SH2D4A: variants seen among roughly 807,000 people sequenced by gnomAD.
SH2D4A encodes the protein SH2 domain-containing protein 4A.
Under a neutral mutation model 64.7 loss-of-function variants are expected in SH2D4A, and 70 were observed. The observed-to-expected ratio is 1.08, with a 90% confidence interval of 0.89 to 1.32. The LOEUF (loss-of-function observed/expected upper bound fraction) is 1.32, where lower values mean the gene tolerates loss of function less well. SH2D4A is among the 40% of genes most tolerant of loss of function. SH2D4A has a pLI of 0.00. For missense variants in SH2D4A, 706 were observed against 540.1 expected, an observed-to-expected ratio of 1.31 and a Z score of -3.04; for synonymous variants, 268 against 200.7, an observed-to-expected ratio of 1.34 and a Z score of -2.83.
intron 4 of SH2D4A, among the ~76,000 whole-genome samples, chr8:19,351,619 A>C (rs547250690): frequency 3.9e-5 from 6 of 151,976 alleles, no homozygotes; most frequent in African/African-American, 4.8e-5. Flanking sequence ...CAAAACAAAA[A>C]AAAACAAAAA....
chr8:19,392,177 A>G (rs938179618), intron 8 of SH2D4A, among the ~76,000 whole-genome samples: 10 of 152,218 alleles, frequency 6.6e-5, no homozygotes, highest in Admixed American at 6.5e-4. Context: ...TGAATTCCTG[A>G]GGCATCTAAG....
chr8:19,318,687 G>A (rs1424953211), intron 1 of SH2D4A, among the ~76,000 whole-genome samples: 2 of 152,230 alleles, frequency 1.3e-5, no homozygotes, highest in African/African-American at 4.8e-5. Flanking sequence ...CTTCCAGAAT[G>A]TAGATGGATG....
chr8:19,342,980 G>A (rs900543527), intron 4 of SH2D4A, among the ~76,000 whole-genome samples: 7 of 152,140 alleles, frequency 4.6e-5, no homozygotes, highest in African/African-American at 1.2e-4. Flanking sequence ...GCTCTAGCAC[G>A]CTGCTTCCGT....
chr8:19,333,347 A>T (rs141759186), intron 3 of SH2D4A, among the ~76,000 whole-genome samples: 2 of 152,246 alleles, frequency 1.3e-5, no homozygotes, highest in African/African-American at 4.8e-5. Context: ...GATAGCACTA[A>T]AGACCTCATG....
In SH2D4A at chr8:19,353,155, C is replaced by A. The variant is rs1467323925; in HGVS notation, c.514-4048C>A. Among the ~76,000 whole-genome samples the A allele has an allele frequency of 2.6e-5, 4 of 152,090 alleles. No individual in the cohort carries two copies. In the East Asian group the frequency reaches 7.7e-4, roughly 29 times the overall value. On this transcript the variant is annotated intron_variant, in intron 4 of 9. Coordinates refer to ENST00000265807, the MANE Select transcript of SH2D4A (RefSeq NM_022071.4). ...GCAAAAATTATACAGGTAGGAGGGT[C>A]ATTTTCTTCCCTTTTTTGGTATAGA... is the stretch of plus-strand genomic sequence containing the variant.
chr8:19,333,454 T>TGG (rs2052395834), intron 3 of SH2D4A, among the ~76,000 whole-genome samples: 2 of 152,152 alleles, frequency 1.3e-5, no homozygotes, highest in South Asian at 4.1e-4. Flanking sequence ...TGATCACCCG[T>TGG]GGCTGCACTA....
chr8:19,355,153 G>A (rs1225938317), intron 4 of SH2D4A, among the ~76,000 whole-genome samples: 1 of 151,924 alleles, frequency 6.6e-6, no homozygotes, highest in Non-Finnish European at 1.5e-5. Context: ...AATACTTGCG[G>A]GAGTATTAAG....
chr8:19,321,409 T>TC (rs2052188689), intron 2 of SH2D4A, among the ~76,000 whole-genome samples: 1 of 152,176 alleles, frequency 6.6e-6, no homozygotes, highest in Non-Finnish European at 1.5e-5. Flanking sequence ...AGGTGGGGTT[T>TC]CTCCATGTTG....
rs1035275623 is a variant in SH2D4A at position 19,313,986 on chromosome 8, G to A, written c.-205+163G>A. 1.4e-5 allele frequency: 17 copies of A among 1,253,862 alleles called. No homozygotes were observed. In the South Asian group the frequency reaches 4.1e-4, roughly 30 times the overall value. The allele number at this position is 1,253,862 out of a possible 1,614,324, so 77.7% of individuals were successfully genotyped here. ...GCCTCCACCCCTTCGCGGCGCCCGG[G>A]GCGGGCTCAGGTGCGGGGTTGGGCG... On this transcript the variant is annotated intron_variant, in intron 1 of 9. Coordinates refer to ENST00000265807, the MANE Select transcript of SH2D4A (RefSeq NM_022071.4).
intron 7 of SH2D4A, among the ~76,000 whole-genome samples, chr8:19,371,171 A>G (rs546112867): frequency 1.3e-5 from 2 of 152,286 alleles, no homozygotes; most frequent in Non-Finnish European, 1.5e-5. Flanking sequence ...TTTACACATC[A>G]TGATGATAGT....
intron 4 of SH2D4A, among the ~76,000 whole-genome samples, chr8:19,355,705 GT>G (rs1563198866): frequency 2.0e-5 from 3 of 152,198 alleles, no homozygotes; most frequent in African/African-American, 7.2e-5. Flanking sequence ...CATCACAGAT[GT>G]TGTGTGGAGT....
At chr8:19,383,219 T>G (rs908060731) in intron 8 of SH2D4A, among the ~76,000 whole-genome samples, 1 of 152,124 alleles carries the variant, frequency 6.6e-6, no homozygotes, top group African/African-American at 2.4e-5. Flanking sequence ...GTAGGTCTGG[T>G]AGGCTGTGTT....
chr8:19,379,046 A>C (rs2053245206), intron 8 of SH2D4A, among the ~76,000 whole-genome samples: 1 of 148,572 alleles, frequency 6.7e-6, no homozygotes, highest in South Asian at 2.1e-4. Context: ...CACGCCATGC[A>C]CTCCAGCTTG....
chr8:19,366,239 G>A (rs2052992044), intron 7 of SH2D4A, among the ~76,000 whole-genome samples: 1 of 152,132 alleles, frequency 6.6e-6, no homozygotes, highest in Non-Finnish European at 1.5e-5. Context: ...TATATATTGT[G>A]TAGTGATCAA....
chr8:19,370,626 C>G (rs577493282), intron 7 of SH2D4A, among the ~76,000 whole-genome samples: 38 of 152,094 alleles, frequency 2.5e-4, no homozygotes, highest in African/African-American at 8.9e-4. Context: ...TATGCATGTC[C>G]TTACAGGTGA....
chr8:19,363,197 T>C (rs1159653207), intron 6 of SH2D4A, among the ~76,000 whole-genome samples: 4 of 152,102 alleles, frequency 2.6e-5, no homozygotes, highest in Non-Finnish European at 5.9e-5. Flanking sequence ...CGCCTCAGCC[T>C]CCCCAGTAGC....
chr8:19,323,095 T>C (rs2052219128), intron 2 of SH2D4A, among the ~76,000 whole-genome samples: 1 of 152,074 alleles, frequency 6.6e-6, no homozygotes, highest in African/African-American at 2.4e-5. Context: ...GAGAATGTGA[T>C]ACTTAGGGAG....
chr8:19,335,765 G>T (rs749127910), intron 4 of SH2D4A, among the ~76,000 whole-genome samples: 1 of 152,174 alleles, frequency 6.6e-6, no homozygotes, highest in Non-Finnish European at 1.5e-5. Flanking sequence ...CAACATAATA[G>T]AAATTTTATA....
chr8:19,387,901 A>C (rs1208978270), intron 8 of SH2D4A, among the ~76,000 whole-genome samples: 1 of 152,248 alleles, frequency 6.6e-6, no homozygotes, highest in Non-Finnish European at 1.5e-5. Context: ...TAGCCATTTA[A>C]GATAATGAAG....
Sources: gnomAD v4.1 joint callset for allele counts (sites outside exome capture counted in the v4.1 genomes callset) on GRCh38, gnomAD v4.1.1 for gene constraint, MANE v1.5 for transcripts, NCBI Gene and HGNC (gene_info 2026-07-23, HGNC 2026-07-21) for gene names.